The following DSCAML1 variants were observed in gnomAD, a reference collection of about 807,000 sequenced individuals.
The protein encoded by DSCAML1 is DS cell adhesion molecule like 1, also known as cell adhesion molecule DSCAML1.
Under a neutral mutation model 200.5 loss-of-function variants are expected in DSCAML1, and 38 were observed. The ratio of observed to expected loss-of-function variants is 0.19; its 90% CI spans 0.15 to 0.25. DSCAML1 has a LOEUF of 0.25. Among genes scored for constraint, DSCAML1 ranks in the 10% least tolerant of loss-of-function variants. The pLI, the probability that DSCAML1 is intolerant of heterozygous loss-of-function variation, is 1.00. For synonymous variants in DSCAML1, 1,215 were observed against 1,165.0 expected (o/e 1.04, Z -0.87); for missense variants, 2,223 against 2,858.8 (o/e 0.78, Z 5.07).
At chr11:117,461,103 GCCC>G (rs1242500199) in intron 18 of DSCAML1, among the ~76,000 whole-genome samples, 4 of 151,750 alleles carry the variant, frequency 2.6e-5, no homozygotes, top group African/African-American at 9.7e-5. Context: ...CCCCTATCAT[GCCC>G]CCAACACTTC....
At chr11:117,513,554 A>G (rs1193773096) in intron 8 of DSCAML1, among the ~76,000 whole-genome samples, 1 of 152,106 alleles carries the variant, frequency 6.6e-6, no homozygotes, top group Non-Finnish European at 1.5e-5. Flanking sequence ...CAGCCTGACC[A>G]ATATGGTGAA....
At position 117,797,186 on chromosome 11, in the gene DSCAML1, C is replaced by T. The variant is rs1406464070; in HGVS notation, c.-107G>A. The T allele has an allele frequency of 6.4e-7, 1 of 1,559,006 alleles. No individual in the cohort carries two copies. Among genetic ancestry groups the T allele is most frequent in the Non-Finnish European group, 8.7e-7 (1 of 1,154,372 alleles). On this transcript the variant is annotated 5_prime_UTR_variant, in exon 1 of 33. Transcript: ENST00000651296. ...CCAGCCGCCCGCACTCGGCGCCCCG[C>T]TCTCTCTGCTCCTCAGCCCAGCGCT... is the stretch of plus-strand genomic sequence containing the variant.
chr11:117,640,424 G>A (rs2052383981), intron 3 of DSCAML1, among the ~76,000 whole-genome samples: 1 of 152,096 alleles, frequency 6.6e-6, no homozygotes, highest in African/African-American at 2.4e-5. Context: ...TTAGAGATGG[G>A]GTAAAGTTTA....
At chr11:117,474,906 C>T (rs182924374) in intron 14 of DSCAML1, among the ~76,000 whole-genome samples, 105 of 152,256 alleles carry the variant, frequency 6.9e-4, no homozygotes, top group Middle Eastern at 3.4e-3. Context: ...AGGCGCATGC[C>T]ACCACACCCA....
chr11:117,713,210 C>A (rs1363372685), intron 3 of DSCAML1, among the ~76,000 whole-genome samples: 1 of 152,136 alleles, frequency 6.6e-6, no homozygotes, highest in Non-Finnish European at 1.5e-5. Context: ...ATTTCTCCTG[C>A]CTTCAAGCAA....
chr11:117,577,433 CTTCTTTCCTTCCTTCCTTCCT>C (rs2050953080), intron 3 of DSCAML1, among the ~76,000 whole-genome samples: 2 of 42,418 alleles, frequency 4.7e-5, no homozygotes, highest in African/African-American at 1.3e-4. Flanking sequence ...TCCTTCCTTC[CTTCTTTCCTTCCTTCCTTCCT>C]TCCTTTCCTT....
At chr11:117,718,969 G>A (rs1379449929) in intron 3 of DSCAML1, among the ~76,000 whole-genome samples, 1 of 152,178 alleles carries the variant, frequency 6.6e-6, no homozygotes, top group East Asian at 1.9e-4. Context: ...AGGGAAGAGA[G>A]AAGCTGTGTT....
At chr11:117,548,985 A>AT (rs1437778578) in intron 3 of DSCAML1, among the ~76,000 whole-genome samples, 1 of 152,186 alleles carries the variant, frequency 6.6e-6, no homozygotes, top group East Asian at 1.9e-4. Context: ...ACTGGTTCTC[A>AT]TAAGGGGATG....
intron 3 of DSCAML1, among the ~76,000 whole-genome samples, chr11:117,734,091 C>T (rs1460821081): frequency 1.3e-5 from 2 of 152,108 alleles, no homozygotes; most frequent in Non-Finnish European, 2.9e-5. Flanking sequence ...CTCTGGGCCT[C>T]GAATCTCAGG....
chr11:117,470,100 G>C, intron 15 of DSCAML1, 120 bp from the exon 16 acceptor site: 1 of 833,464 alleles, frequency 1.2e-6, no homozygotes. Flanking sequence ...ACTAAGCTCA[G>C]ATGCAGATAG....
intron 3 of DSCAML1, among the ~76,000 whole-genome samples, chr11:117,729,739 A>G (rs548511318): frequency 2.3e-4 from 35 of 152,346 alleles, no homozygotes; most frequent in African/African-American, 7.7e-4. Context: ...GGCTGTTGTG[A>G]TAGACAGGAT....
upstream of DSCAML1, chr11:117,797,335 G>C: frequency 8.1e-7 from 1 of 1,236,898 alleles, no homozygotes; most frequent in Non-Finnish European, 1.0e-6. Flanking sequence ...CGCGAGCCCG[G>C]AGCCCAGACG....
intron 19 of DSCAML1, among the ~76,000 whole-genome samples, chr11:117,452,207 G>A (rs746441741): frequency 6.6e-6 from 1 of 152,204 alleles, no homozygotes. Context: ...TGAACGAGGT[G>A]TGTCAAAGTC....
chr11:117,648,359 GC>G (rs2052564273), intron 3 of DSCAML1, among the ~76,000 whole-genome samples: 1 of 152,212 alleles, frequency 6.6e-6, no homozygotes, highest in African/African-American at 2.4e-5. Flanking sequence ...GAGCGCCAAA[GC>G]CCTTTATGAA....
At chr11:117,431,068 G>A (rs777258554) in intron 31 of DSCAML1, 35 bp from the exon 32 acceptor site, 1 of 1,575,888 alleles carries the variant, frequency 6.3e-7, no homozygotes, top group Non-Finnish European at 8.6e-7. Context: ...GGGTTACGGG[G>A]AGGAGGGTAT....
chr11:117,560,016 A>G (rs2050631816), intron 3 of DSCAML1, among the ~76,000 whole-genome samples: 1 of 152,054 alleles, frequency 6.6e-6, no homozygotes. Flanking sequence ...TGAGTTCCCC[A>G]AGTGAATTTA....
intron 3 of DSCAML1, among the ~76,000 whole-genome samples, chr11:117,542,399 G>A (rs142218161): frequency 2.7e-4 from 41 of 152,286 alleles, no homozygotes; most frequent in African/African-American, 8.4e-4. Context: ...TCTGAGGAAA[G>A]AGAAGCCCTG....
At chr11:117,746,193 G>T (rs1408917632) in intron 3 of DSCAML1, among the ~76,000 whole-genome samples, 1 of 122,338 alleles carries the variant, frequency 8.2e-6, no homozygotes, top group Non-Finnish European at 1.6e-5. Context: ...CTGCACTCCA[G>T]CCTGGGCATC....
intron 3 of DSCAML1, among the ~76,000 whole-genome samples, chr11:117,666,859 G>C (rs1488993214): frequency 6.6e-6 from 1 of 152,230 alleles, no homozygotes; most frequent in Non-Finnish European, 1.5e-5. Flanking sequence ...TGATGGATCT[G>C]GAGTGCCTAG....
Sources: gnomAD v4.1 joint callset for allele counts (sites outside exome capture counted in the v4.1 genomes callset) on GRCh38, gnomAD v4.1.1 for gene constraint, MANE v1.5 for transcripts, NCBI Gene and HGNC (gene_info 2026-07-23, HGNC 2026-07-21) for gene names.